Variants in C5orf15 observed in about 807,000 individuals in gnomAD.
C5orf15 encodes keratinocyte-associated transmembrane protein 2.
C5orf15 carries 10 observed loss-of-function variants against 17.8 expected under a neutral mutation model. The ratio of observed to expected loss-of-function variants is 0.56; its 90% CI spans 0.35 to 0.95. The LOEUF (loss-of-function observed/expected upper bound fraction) is 0.95, where lower values mean the gene tolerates loss of function less well. C5orf15 is among the 40% of genes least tolerant of loss of function. The pLI is 0.02. For missense variants in C5orf15, 319 were observed against 331.7 expected, an observed-to-expected ratio of 0.96 and a Z score of 0.30; for synonymous variants, 124 against 131.0, an observed-to-expected ratio of 0.95 and a Z score of 0.36.
chr5:133,966,170 G>A (rs1168466128), intron 1 of C5orf15, among the ~76,000 whole-genome samples: 2 of 148,734 alleles, frequency 1.3e-5, no homozygotes, highest in African/African-American at 2.5e-5. Flanking sequence ...GCAATGAGCC[G>A]AGATCACGCC....
chr5:133,963,738 T>C (rs1017274843), intron 1 of C5orf15, among the ~76,000 whole-genome samples: 3 of 152,216 alleles, frequency 2.0e-5, no homozygotes, highest in African/African-American at 4.8e-5. Flanking sequence ...ATGATGTCCA[T>C]AGAAAGCTCA....
At chr5:133,967,718 CT>C (rs1401973758) in intron 1 of C5orf15, among the ~76,000 whole-genome samples, 1 of 152,208 alleles carries the variant, frequency 6.6e-6, no homozygotes, top group Non-Finnish European at 1.5e-5. Flanking sequence ...CATGATCTCC[CT>C]TGTCTCCAAA....
rs374313051 is a variant in C5orf15 at position 133,966,207 on chromosome 5, C to CA, written c.139+2238dup. ...CTGCACTCCAGCCTCGCGACAGACT[C>CA]AAAAAAAAAACAAAAAACAAAACTT... On this transcript the variant is annotated intron_variant, in intron 1 of 2. Coordinates refer to ENST00000231512, the MANE Select transcript of C5orf15 (RefSeq NM_020199.3). 4.8e-3 allele frequency among the ~76,000 whole-genome samples: 699 copies of CA among 145,154 alleles called. 4 individuals carry two copies. The highest frequency in any genetic ancestry group is 0.015 in the African/African-American group (575 of 39,608).
At chr5:133,961,231 G>GAAA (rs1561574841) in intron 1 of C5orf15, among the ~76,000 whole-genome samples, 1 of 37,000 alleles carries the variant, frequency 2.7e-5, no homozygotes, top group African/African-American at 1.0e-4. Context: ...TAGTCAGTTA[G>GAAA]TAAAAAAAAA....
intron 1 of C5orf15, among the ~76,000 whole-genome samples, chr5:133,967,678 TG>T (rs1752215943): frequency 6.6e-6 from 1 of 152,220 alleles, no homozygotes; most frequent in South Asian, 2.1e-4. Context: ...AGGGTTATCC[TG>T]GTTAACTCGG....
rs371422976 is a variant in C5orf15 at position 133,959,810 on chromosome 5, T to C, written c.350A>G (p.Asp117Gly). The change falls in exon 2 of 3, where the codon GAT becomes GGT. Residue 117 changes from aspartate (D) to glycine (G), a missense_variant. Asp to Gly is a moderately conservative substitution (Grantham distance 94, BLOSUM62 -1). Coordinates refer to ENST00000231512, the MANE Select transcript of C5orf15 (RefSeq NM_020199.3). Reference protein sequence around the residue: ...SPTPLSQEEADNNEDPSIEEE... With the variant: ...SPTPLSQEEAGNNEDPSIEEE... ...CTCTATACTAGGATCTTCATTGTTA[T>C]CAGCTTCCTCTTGAGACAGAGGAGT... is the stretch of plus-strand genomic sequence containing the variant. 3.3e-5 allele frequency: 53 copies of C among 1,614,168 alleles called. No homozygotes were observed. The highest frequency in any genetic ancestry group is 4.2e-5 in the Non-Finnish European group (49 of 1,180,012).
rs772193293 is a variant in C5orf15 at position 133,959,983 on chromosome 5, G to C, written c.177C>G (p.Leu59=). ...SRTDSPSPTV[L]NSHISTPNVN... is the part of the protein sequence containing the mutation. The stretch of plus-strand genomic sequence containing the variant: ...CATTTGGGGTAGAAATATGTGAGTT[G>C]AGTACGGTTGGGCTCGGTGAATCAG... The change falls in exon 2 of 3, where the codon CTC becomes CTG. Residue 59 remains leucine, a synonymous_variant. Coordinates refer to ENST00000231512, the MANE Select transcript of C5orf15 (RefSeq NM_020199.3). 3 of 1,613,032 alleles carry C rather than the reference G, an allele frequency of 1.9e-6. No individual in the cohort carries two copies. The highest frequency in any genetic ancestry group is 1.7e-5 in the Admixed American group (1 of 60,008).
chr5:133,966,539 C>T (rs1440289677), intron 1 of C5orf15, among the ~76,000 whole-genome samples: 1 of 152,122 alleles, frequency 6.6e-6, no homozygotes, highest in Non-Finnish European at 1.5e-5. Context: ...AAACATAAAA[C>T]AAAAATTCTT....
intron 1 of C5orf15, among the ~76,000 whole-genome samples, chr5:133,964,258 T>C (rs568166983): frequency 1.2e-3 from 176 of 152,258 alleles, no homozygotes; most frequent in African/African-American, 3.9e-3. Flanking sequence ...TATTGACACA[T>C]GTAACAACCT....
At chr5:133,964,889 A>G (rs979967785) in intron 1 of C5orf15, among the ~76,000 whole-genome samples, 1 of 152,190 alleles carries the variant, frequency 6.6e-6, no homozygotes, top group Non-Finnish European at 1.5e-5. Flanking sequence ...CCTCCTAATT[A>G]ATCTGCCTGC....
At chr5:133,962,056 AATT>A (rs1752132565) in intron 1 of C5orf15, among the ~76,000 whole-genome samples, 1 of 152,204 alleles carries the variant, frequency 6.6e-6, no homozygotes, top group South Asian at 2.1e-4. Flanking sequence ...AGAATTTAAA[AATT>A]ATTATTTTCT....
intron 1 of C5orf15, among the ~76,000 whole-genome samples, chr5:133,960,735 T>A (rs1752112063): frequency 6.6e-6 from 1 of 152,176 alleles, no homozygotes; most frequent in Non-Finnish European, 1.5e-5. Flanking sequence ...ACACACATTC[T>A]TATTTCCCTG....
chr5:133,968,289 T>C (rs1752225504), intron 1 of C5orf15, among the ~76,000 whole-genome samples, 157 bp downstream of exon 1: 1 of 151,894 alleles, frequency 6.6e-6, no homozygotes, highest in South Asian at 2.1e-4. Flanking sequence ...TCAGACACCA[T>C]ACCCTCCGTC....
rs56684565 is a variant in C5orf15, at chr5:133,961,232, T to TAA, written c.140-1214_140-1213dup. 9.4e-3 allele frequency among the ~76,000 whole-genome samples: 287 copies of TAA among 30,432 alleles called. 59 individuals are homozygous for TAA. The highest frequency in any genetic ancestry group is 0.023 in the African/African-American group (156 of 6,746). The allele number at this position is 30,432 out of a possible 152,430, so 20.0% of individuals were successfully genotyped here. A position where few individuals can be genotyped will look rare whatever the true frequency, so the allele number is the denominator to read the frequency against. On this transcript the variant is annotated intron_variant, in intron 1 of 2. Coordinates refer to ENST00000231512, the MANE Select transcript of C5orf15 (RefSeq NM_020199.3). ...TCAGAAAAATAATGTAGTCAGTTAG[T>TAA]AAAAAAAAAAAAAAAAAAAAAAAAA...
At chr5:133,960,150 T>C in intron 1 of C5orf15, 130 bp from the exon 2 acceptor site, 1 of 713,032 alleles carries the variant, frequency 1.4e-6, no homozygotes, top group Non-Finnish European at 2.3e-6. Context: ...GAAAACTAGT[T>C]ATTAAGTCTC....
chr5:133,963,647 G>C (rs1202099702), intron 1 of C5orf15, among the ~76,000 whole-genome samples: 1 of 152,182 alleles, frequency 6.6e-6, no homozygotes, highest in Non-Finnish European at 1.5e-5. Context: ...GCAGACTTCA[G>C]CTCTAACATA....
intron 1 of C5orf15, among the ~76,000 whole-genome samples, chr5:133,963,161 C>T (rs1408274839): frequency 6.6e-6 from 1 of 152,200 alleles, no homozygotes; most frequent in African/African-American, 2.4e-5. Context: ...TGTTGGCAAT[C>T]ATATTTTCCT....
At chr5:133,966,036 A>C (rs533290048) in intron 1 of C5orf15, among the ~76,000 whole-genome samples, 1 of 152,298 alleles carries the variant, frequency 6.6e-6, no homozygotes, top group Non-Finnish European at 1.5e-5. Flanking sequence ...CATCCTGGAT[A>C]ACACGGTGAA....
At position 133,959,474 on chromosome 5, in the gene C5orf15, T is replaced by TA. The variant is rs753949808; in HGVS notation, c.666+19dup. ...CATTATGACTGAAATAATAAAGGGC[T>TA]AAAAAAATCCCAAACCTACCTTCCT... is the stretch of plus-strand genomic sequence containing the variant. On this transcript the variant is annotated intron_variant, in intron 2 of 2. Transcript: ENST00000231512. The TA allele has an allele frequency of 5.0e-6, 6 of 1,204,830 alleles. No homozygotes were observed. Among genetic ancestry groups the TA allele is most frequent in the East Asian group, 3.3e-5 (1 of 30,360 alleles). The allele number at this position is 1,204,830 out of a possible 1,614,324, so 74.6% of individuals were successfully genotyped here.
Sources: allele counts gnomAD v4.1 joint callset (sites outside exome capture counted in the v4.1 genomes callset), GRCh38; gene constraint gnomAD v4.1.1; transcripts MANE v1.5; gene names NCBI Gene and HGNC (gene_info 2026-07-23, HGNC 2026-07-21).